PIK3C2G: variants seen among roughly 807,000 people sequenced by gnomAD.
PIK3C2G encodes phosphatidylinositol 3-kinase C2 domain-containing subunit gamma.
In PIK3C2G, 168 loss-of-function variants were observed where a neutral mutation model predicts 181.1. The ratio of observed to expected loss-of-function variants is 0.93; its 90% confidence interval spans 0.82 to 1.05. The LOEUF (loss-of-function observed/expected upper bound fraction) is 1.05. Ranked by LOEUF, PIK3C2G falls within the 50% of genes least tolerant of loss-of-function variation. The probability of loss-of-function intolerance (pLI) is 0.00; values close to 1 mark genes in which losing one functional copy is unlikely to be tolerated. For missense variants in PIK3C2G, 1,869 were observed against 1,732.8 expected, an observed-to-expected ratio of 1.08 and a Z score of -1.40; for synonymous variants, 573 against 592.2, an observed-to-expected ratio of 0.97 and a Z score of 0.47.
At chr12:18,551,141 C>A (rs939334650) in intron 26 of PIK3C2G, among the ~76,000 whole-genome samples, 3 of 152,004 alleles carry the variant, frequency 2.0e-5, no homozygotes, top group African/African-American at 7.2e-5. Context: ...CTTTTCACAT[C>A]ATCATCAACT....
intron 18 of PIK3C2G, among the ~76,000 whole-genome samples, chr12:18,435,978 A>C (rs1445764757): frequency 1.3e-5 from 2 of 152,092 alleles, no homozygotes; most frequent in East Asian, 3.9e-4. Context: ...AAAAAAAAAA[A>C]AAACCCTGAT....
At chr12:18,584,203 T>C (rs1946655482) in intron 29 of PIK3C2G, among the ~76,000 whole-genome samples, 2 of 151,822 alleles carry the variant, frequency 1.3e-5, no homozygotes, top group African/African-American at 4.8e-5. Context: ...AATTTTTTTT[T>C]TTTGTATTTT....
At chr12:18,615,954 C>G (rs143566302) in intron 31 of PIK3C2G, among the ~76,000 whole-genome samples, 1 of 152,194 alleles carries the variant, frequency 6.6e-6, no homozygotes, top group African/African-American at 2.4e-5. Context: ...CACCTCTCAA[C>G]ACAAAATTTG....
At chr12:18,496,415 T>A (rs557016168) in intron 21 of PIK3C2G, among the ~76,000 whole-genome samples, 1 of 152,314 alleles carries the variant, frequency 6.6e-6, no homozygotes, top group African/African-American at 2.4e-5. Flanking sequence ...TGAAGTGATA[T>A]GATTGCTTTT....
At chr12:18,559,562 T>G (rs1945185837) in intron 26 of PIK3C2G, among the ~76,000 whole-genome samples, 2 of 151,572 alleles carry the variant, frequency 1.3e-5, no homozygotes, top group South Asian at 4.2e-4. Flanking sequence ...GTGAGGGTTC[T>G]GTGGCAAATA....
At position 18,419,176 on chromosome 12, in the gene PIK3C2G, G is replaced by C. The variant is rs901159155; in HGVS notation, c.2316-1765G>C. Among the ~76,000 whole-genome samples, 6 of 152,212 alleles carry C rather than the reference G, an allele frequency of 3.9e-5. No homozygotes were observed. The South Asian group carries it at 8.3e-4, about 21-fold the overall frequency. On this transcript the variant is annotated intron_variant, in intron 16 of 32. Coordinates refer to ENST00000538779, the MANE Select transcript of PIK3C2G (RefSeq NM_001288772.2). ...CAGACAAAAATTTACTGCCTTTCTGGAGTTTGCATTCTAGTGGAAATAAAC... is the reference window on the plus strand; with the variant it reads ...CAGACAAAAATTTACTGCCTTTCTGCAGTTTGCATTCTAGTGGAAATAAAC...
chr12:18,541,512 A>G (rs1219902723), intron 25 of PIK3C2G, among the ~76,000 whole-genome samples: 1 of 151,908 alleles, frequency 6.6e-6, no homozygotes, highest in African/African-American at 2.4e-5. Context: ...AATGTTTATC[A>G]CACCCATTAT....
At chr12:18,689,294 T>C in the PIK3C2G span, among the ~76,000 whole-genome samples, 1 of 152,154 alleles carries the variant, frequency 6.6e-6, no homozygotes, top group South Asian at 2.1e-4. Context: ...AAAAATTATC[T>C]AATTTTGAAA....
intron 29 of PIK3C2G, among the ~76,000 whole-genome samples, chr12:18,569,747 T>C (rs539602984): frequency 2.0e-4 from 30 of 152,320 alleles, no homozygotes; most frequent in South Asian, 4.1e-4. Context: ...TTGGTCTTTT[T>C]AATCTTTTAA....
chr12:18,275,526 C>A (rs1487226649), intron 1 of PIK3C2G, among the ~76,000 whole-genome samples: 2 of 152,078 alleles, frequency 1.3e-5, no homozygotes, highest in Non-Finnish European at 2.9e-5. Context: ...GGATTACAGG[C>A]GTCCGCCACC....
Position 18,274,809 on chromosome 12 carries a change from T to TA in PIK3C2G, c.-78-7187dup, listed in dbSNP as rs895164884. On this transcript the variant is annotated intron_variant, in intron 1 of 32. Coordinates refer to ENST00000538779, the MANE Select transcript of PIK3C2G (RefSeq NM_001288772.2). ...CCTAAAACTTAAAGTATAATAATAA[T>TA]AAAAAAAAGCCTACATTATTTTCAT... 1.5e-3 allele frequency among the ~76,000 whole-genome samples: 233 copies of TA among 151,858 alleles called. 1 individual carries two copies. Among genetic ancestry groups the TA allele is most frequent in the Middle Eastern group, 3.4e-3 (1 of 294 alleles).
At chr12:18,723,727 T>C in the PIK3C2G span, among the ~76,000 whole-genome samples, 1 of 152,120 alleles carries the variant, frequency 6.6e-6, no homozygotes, top group Admixed American at 6.6e-5. Context: ...AAAGGGTTAG[T>C]TAACTCTTGA....
chr12:18,402,234 A>G (rs1452754065), intron 16 of PIK3C2G, among the ~76,000 whole-genome samples: 4 of 152,190 alleles, frequency 2.6e-5, no homozygotes, highest in Non-Finnish European at 5.9e-5. Context: ...ACATGGAAGG[A>G]CCTTGACAGC....
chr12:18,278,652 T>C (rs1163267863), intron 1 of PIK3C2G, among the ~76,000 whole-genome samples: 1 of 152,150 alleles, frequency 6.6e-6, no homozygotes, highest in East Asian at 1.9e-4. Context: ...CTCAAATATG[T>C]CACAATTGCT....
chr12:18,716,946 A>G, the PIK3C2G span, among the ~76,000 whole-genome samples: 2 of 152,270 alleles, frequency 1.3e-5, no homozygotes, highest in Non-Finnish European at 1.5e-5. Flanking sequence ...GAGATACACA[A>G]TGGTTATATC....
chr12:18,282,646 A>T lies in PIK3C2G; in HGVS notation c.565A>T (p.Lys189Ter), dbSNP rs776997870. The T allele has an allele frequency of 1.9e-6, 3 of 1,613,516 alleles. No individual in the cohort carries two copies. The Admixed American group carries it at 5.0e-5, about 27-fold the overall frequency. Reference protein sequence around the residue: ...NSSFSSDFMPKEENKRSGHVN... With the variant: ...NSSFSSDFMP ...ATCCTTCTCAAGTGACTTCATGCCG[A>T]AAGAAGAGAATAAAAGGAGTGGACA... Residue 189 changes from lysine (K) to a stop codon, truncating the protein, a stop_gained, in exon 2 of 33, where the codon AAA (lysine) becomes TAA (stop). Coordinates refer to ENST00000538779, the MANE Select transcript of PIK3C2G (RefSeq NM_001288772.2). LOFTEE classifies it high-confidence loss of function.
intron 19 of PIK3C2G, among the ~76,000 whole-genome samples, chr12:18,488,906 C>T (rs1940303996): frequency 2.6e-5 from 4 of 151,914 alleles, no homozygotes; most frequent in Admixed American, 2.6e-4. Context: ...CTAAACAAGC[C>T]TGATAAACTA....
At chr12:18,696,341 T>G in the PIK3C2G span, 1 of 258,446 alleles carries the variant, frequency 3.9e-6, no homozygotes, top group Non-Finnish European at 6.6e-6. Flanking sequence ...TATATATATA[T>G]ATATATATAT....
chr12:18,699,833 T>A, the PIK3C2G span: 8 of 1,613,526 alleles, frequency 5.0e-6, no homozygotes, highest in Non-Finnish European at 6.8e-6. Context: ...GTCTCCCCAA[T>A]AGAATTATTT....
Sources: allele counts gnomAD v4.1 joint callset (sites outside exome capture counted in the v4.1 genomes callset), GRCh38; gene constraint gnomAD v4.1.1; transcripts MANE v1.5; gene names NCBI Gene and HGNC (gene_info 2026-07-23, HGNC 2026-07-21).